Variants in NCOA2 observed in about 807,000 individuals in gnomAD.
NCOA2 encodes nuclear receptor coactivator 2.
In NCOA2, 21 loss-of-function variants were observed where a neutral mutation model predicts 145.1. The ratio of observed to expected loss-of-function variants is 0.14; its 90% CI spans 0.10 to 0.21. NCOA2 has a LOEUF of 0.21. Ranked by LOEUF, NCOA2 falls within the 10% of genes least tolerant of loss-of-function variation. The pLI is 1.00. For missense variants in NCOA2, 1,472 were observed against 1,837.6 expected, an observed-to-expected ratio of 0.80 and a Z score of 3.64; for synonymous variants, 619 against 637.5, an observed-to-expected ratio of 0.97 and a Z score of 0.44.
intron 2 of NCOA2, among the ~76,000 whole-genome samples, chr8:70,240,147 T>A (rs887060870): frequency 8.4e-4 from 128 of 152,242 alleles, no homozygotes; most frequent in African/African-American, 2.9e-3. Flanking sequence ...GCCTTGAACC[T>A]CCAGATAATA....
chr8:70,342,649 T>C (rs1010484781), intron 1 of NCOA2, among the ~76,000 whole-genome samples: 1 of 151,904 alleles, frequency 6.6e-6, no homozygotes, highest in Admixed American at 6.6e-5. Flanking sequence ...GCAGAGACAT[T>C]CTAGAATGCA....
chr8:70,132,554 G>A (rs879454320), intron 15 of NCOA2, among the ~76,000 whole-genome samples: 1 of 152,146 alleles, frequency 6.6e-6, no homozygotes, highest in Non-Finnish European at 1.5e-5. Context: ...TCATGCACAA[G>A]CAGGCCTGGA....
At chr8:70,334,824 G>C (rs1052737850) in intron 1 of NCOA2, among the ~76,000 whole-genome samples, 1 of 151,986 alleles carries the variant, frequency 6.6e-6, no homozygotes, top group African/African-American at 2.4e-5. Flanking sequence ...ATTTTGCTCT[G>C]GTCAGATTCT....
At chr8:70,124,581 C>T (rs1273528173) in intron 20 of NCOA2, 107 bp downstream of exon 20, 15 of 1,143,742 alleles carry the variant, frequency 1.3e-5, no homozygotes, top group Middle Eastern at 3.0e-4. Context: ...TTTATCACTA[C>T]GTTTGATAAA....
At chr8:70,216,370 ATCT>A (rs1298660883) in intron 3 of NCOA2, among the ~76,000 whole-genome samples, 1 of 152,190 alleles carries the variant, frequency 6.6e-6, no homozygotes, top group East Asian at 1.9e-4. Context: ...TTACTATAGG[ATCT>A]TCTTGTTATA....
chr8:70,136,177 C>T (rs1485434839), intron 15 of NCOA2, among the ~76,000 whole-genome samples: 1 of 152,016 alleles, frequency 6.6e-6, no homozygotes, highest in Admixed American at 6.5e-5. Context: ...AGTTCGAGAC[C>T]AGCCTGGCCA....
At chr8:70,286,350 CA>C (rs1351858721) in intron 2 of NCOA2, among the ~76,000 whole-genome samples, 3 of 152,142 alleles carry the variant, frequency 2.0e-5, no homozygotes, top group African/African-American at 7.2e-5. Flanking sequence ...CACTGCACTC[CA>C]GTCTGGTGAC....
At chr8:70,310,170 C>T (rs60702830) in intron 1 of NCOA2, among the ~76,000 whole-genome samples, 4,542 of 151,432 alleles carry the variant, frequency 0.03, 254 homozygotes, top group African/African-American at 0.1. Context: ...GGTGAAACTC[C>T]GTCTCTCCTA....
the NCOA2 span, among the ~76,000 whole-genome samples, chr8:70,455,510 A>G: frequency 6.6e-6 from 1 of 152,230 alleles, no homozygotes; most frequent in Non-Finnish European, 1.5e-5. Flanking sequence ...CCTTAAAATA[A>G]ACTAAAGACA....
chr8:70,257,725 A>G (rs1237574588), intron 2 of NCOA2, among the ~76,000 whole-genome samples: 3 of 151,910 alleles, frequency 2.0e-5, no homozygotes, highest in African/African-American at 7.2e-5. Flanking sequence ...CCATTCTCTG[A>G]AGTCTTGTAC....
chr8:70,374,832 T>C (rs1811530730), intron 1 of NCOA2, among the ~76,000 whole-genome samples: 1 of 151,366 alleles, frequency 6.6e-6, no homozygotes, highest in African/African-American at 2.4e-5. Flanking sequence ...TGAAAGCATA[T>C]ATGCCGATAC....
the NCOA2 span, among the ~76,000 whole-genome samples, chr8:70,441,602 G>C: frequency 4.2e-4 from 62 of 148,704 alleles, 1 homozygote; most frequent in South Asian, 0.012. Context: ...AGAAGAGAGA[G>C]AGAAAGCAAG....
the NCOA2 span, among the ~76,000 whole-genome samples, chr8:70,455,153 C>T: frequency 6.6e-6 from 1 of 152,096 alleles, no homozygotes; most frequent in East Asian, 1.9e-4. Context: ...CAAATAAATA[C>T]TTTTTTAAAA....
Position 70,110,739 on chromosome 8 carries a change from C to T in NCOA2, c.*2893G>A. The T allele has an allele frequency of 4.5e-6, 1 of 222,682 alleles. No homozygotes were observed. Among genetic ancestry groups the T allele is most frequent in the South Asian group, 1.8e-4 (1 of 5,422 alleles). The allele number at this position is 222,682 out of a possible 1,614,324, so 13.8% of individuals were successfully genotyped here. On this transcript the variant is annotated 3_prime_UTR_variant, in exon 23 of 23. Transcript: ENST00000452400. ...CAATTATTACAGGCCATAAGAGATA[C>T]ACATAGGGGGAGGGGCATTTTAATC... is the stretch of plus-strand genomic sequence containing the variant.
At chr8:70,221,273 C>G (rs963682359) in intron 2 of NCOA2, among the ~76,000 whole-genome samples, 2 of 152,174 alleles carry the variant, frequency 1.3e-5, no homozygotes, top group Non-Finnish European at 2.9e-5. Context: ...TTTAACTAAA[C>G]TACAGAAGGA....
At position 70,315,746 on chromosome 8, in the gene NCOA2, T is replaced by C. The variant is rs181210322; in HGVS notation, c.-76-18946A>G. Among the ~76,000 whole-genome samples, 3 of 152,298 alleles carry C rather than the reference T, an allele frequency of 2.0e-5. No homozygotes were observed. In the East Asian group the frequency reaches 5.8e-4, roughly 29 times the overall value. On this transcript the variant is annotated intron_variant, in intron 1 of 22. Coordinates refer to ENST00000452400, the MANE Select transcript of NCOA2 (RefSeq NM_006540.4). ...GGCAGGAGGAAGGCACCATTCTCTA[T>C]AAGAAGTGATTTTGCAACACTAATA...
chr8:70,361,077 G>A (rs896509319), intron 1 of NCOA2, among the ~76,000 whole-genome samples: 1 of 151,978 alleles, frequency 6.6e-6, no homozygotes, highest in African/African-American at 2.4e-5. Context: ...AAAATTCTAT[G>A]CCTAAATCCA....
chr8:70,243,568 G>C (rs1463811974), intron 2 of NCOA2, among the ~76,000 whole-genome samples: 1 of 151,788 alleles, frequency 6.6e-6, no homozygotes, highest in Non-Finnish European at 1.5e-5. Flanking sequence ...CTCATTCAAA[G>C]GCTTAGATAA....
chr8:70,440,595 G>A, the NCOA2 span, among the ~76,000 whole-genome samples: 1 of 149,578 alleles, frequency 6.7e-6, no homozygotes, highest in Non-Finnish European at 1.5e-5. Flanking sequence ...CTGAGACAAG[G>A]AAGGAAGGAA....
Sources: allele counts gnomAD v4.1 joint callset (sites outside exome capture counted in the v4.1 genomes callset), GRCh38; gene constraint gnomAD v4.1.1; transcripts MANE v1.5; gene names NCBI Gene and HGNC (gene_info 2026-07-23, HGNC 2026-07-21).